The following NRG3 variants were observed in gnomAD, a reference collection of about 807,000 sequenced individuals.
The protein encoded by NRG3 is pro-neuregulin-3, membrane-bound isoform.
NRG3 carries 31 observed loss-of-function variants against 66.9 expected under a neutral mutation model. That is an observed-to-expected ratio of 0.46 (90% CI 0.35 to 0.63). The LOEUF is 0.63. Among genes scored for constraint, NRG3 ranks in the 20% least tolerant of loss-of-function variants. The pLI, the probability that NRG3 is intolerant of heterozygous loss-of-function variation, is 0.00. For synonymous variants in NRG3, 393 were observed against 359.4 expected (o/e 1.09, Z -1.06); for missense variants, 910 against 878.9 (o/e 1.04, Z -0.45).
At chr10:82,504,836 A>G (rs1228404464) in intron 2 of NRG3, among the ~76,000 whole-genome samples, 1 of 152,068 alleles carries the variant, frequency 6.6e-6, no homozygotes, top group African/African-American at 2.4e-5. Flanking sequence ...TGAATAAATG[A>G]TAATTCTACC....
chr10:82,648,654 C>T (rs2051157983), intron 2 of NRG3, among the ~76,000 whole-genome samples: 1 of 152,118 alleles, frequency 6.6e-6, no homozygotes, highest in Non-Finnish European at 1.5e-5. Context: ...AATGTTCTTC[C>T]ATTTGTTTGT....
chr10:82,724,332 T>G (rs574015269), intron 2 of NRG3, among the ~76,000 whole-genome samples: 8 of 152,266 alleles, frequency 5.3e-5, no homozygotes, highest in African/African-American at 1.9e-4. Flanking sequence ...TGCTGATGAA[T>G]GTCATACATA....
intron 1 of NRG3, among the ~76,000 whole-genome samples, chr10:81,903,284 A>G (rs1323348178): frequency 6.6e-6 from 1 of 152,126 alleles, no homozygotes; most frequent in Non-Finnish European, 1.5e-5. Context: ...GGTACACAGC[A>G]TGTAATTGTA....
chr10:82,116,436 T>G (rs1176999411), intron 1 of NRG3, among the ~76,000 whole-genome samples: 1 of 152,156 alleles, frequency 6.6e-6, no homozygotes, highest in Non-Finnish European at 1.5e-5. Context: ...GTATCAACAT[T>G]TAATTTAGAA....
At chr10:82,405,066 A>G (rs1324745594) in intron 2 of NRG3, among the ~76,000 whole-genome samples, 1 of 152,166 alleles carries the variant, frequency 6.6e-6, no homozygotes, top group African/African-American at 2.4e-5. Context: ...ATTTGGAACA[A>G]ATGAAGGAGT....
chr10:82,623,212 T>TTAAA (rs1367015557), intron 2 of NRG3, among the ~76,000 whole-genome samples: 6 of 152,192 alleles, frequency 3.9e-5, no homozygotes, highest in Non-Finnish European at 7.3e-5. Context: ...TTGGGACACT[T>TTAAA]CGTTTTAAAC....
intron 1 of NRG3, among the ~76,000 whole-genome samples, chr10:81,965,090 C>A (rs2059681310): frequency 6.6e-6 from 1 of 152,150 alleles, no homozygotes; most frequent in African/African-American, 2.4e-5. Flanking sequence ...GTAAAGAAAA[C>A]AGACAACCAG....
intron 2 of NRG3, among the ~76,000 whole-genome samples, chr10:82,406,572 G>C (rs2087537658): frequency 6.6e-6 from 1 of 152,256 alleles, no homozygotes; most frequent in South Asian, 2.1e-4. Flanking sequence ...TGCATTATGT[G>C]CTTGAAGCCC....
intron 2 of NRG3, among the ~76,000 whole-genome samples, chr10:82,369,734 T>C (rs564329863): frequency 1.4e-5 from 2 of 139,124 alleles, no homozygotes; most frequent in South Asian, 4.3e-4. Flanking sequence ...CTCAAATTCA[T>C]AGAAAAGCAA....
chr10:81,915,635 C>T (rs1845632423), intron 1 of NRG3, among the ~76,000 whole-genome samples: 1 of 152,034 alleles, frequency 6.6e-6, no homozygotes, highest in African/African-American at 2.4e-5. Flanking sequence ...GGGTTTATCA[C>T]TCCAGTAAAT....
At chr10:82,238,210 G>C (rs7899298) in intron 1 of NRG3, among the ~76,000 whole-genome samples, 42,132 of 151,830 alleles carry the variant, frequency 0.28, 8,173 homozygotes, top group East Asian at 0.55. Flanking sequence ...GTGTTGTTTT[G>C]CTATTTTAGA....
At chr10:81,957,669 A>G (rs774631117) in intron 1 of NRG3, among the ~76,000 whole-genome samples, 23 of 152,212 alleles carry the variant, frequency 1.5e-4, no homozygotes, top group Non-Finnish European at 3.1e-4. Flanking sequence ...GCTTCTGGAT[A>G]GGAGCAATTA....
intron 1 of NRG3, among the ~76,000 whole-genome samples, chr10:82,031,578 CA>C (rs1324900643): frequency 1.3e-5 from 2 of 152,080 alleles, no homozygotes; most frequent in African/African-American, 4.8e-5. Context: ...CTTTTTTTAA[CA>C]AAAGGAATTG....
At chr10:82,809,399 A>G (rs111285385) in intron 3 of NRG3, among the ~76,000 whole-genome samples, 1,790 of 151,984 alleles carry the variant, frequency 0.012, 35 homozygotes, top group African/African-American at 0.041. Flanking sequence ...AAAATGTGAA[A>G]AAAACAACAT....
chr10:81,989,009 G>C (rs2060634437), intron 1 of NRG3, among the ~76,000 whole-genome samples: 1 of 152,132 alleles, frequency 6.6e-6, no homozygotes, highest in Non-Finnish European at 1.5e-5. Flanking sequence ...TAGTGGAATG[G>C]ACTAGGGTGG....
At chr10:81,964,383 G>A in intron 1 of NRG3, among the ~76,000 whole-genome samples, 1 of 118,444 alleles carries the variant, frequency 8.4e-6, no homozygotes, top group Admixed American at 1.1e-4. Flanking sequence ...GCAACAGAGT[G>A]AGACTCTGTC....
chr10:82,091,728 A>G (rs1590074307), intron 1 of NRG3, among the ~76,000 whole-genome samples: 1 of 152,202 alleles, frequency 6.6e-6, no homozygotes, highest in Non-Finnish European at 1.5e-5. Context: ...TTTTTGAGGA[A>G]CTACCATGCT....
chr10:82,117,187 C>T (rs1220917872), intron 1 of NRG3, among the ~76,000 whole-genome samples: 2 of 152,148 alleles, frequency 1.3e-5, no homozygotes, highest in East Asian at 3.9e-4. Context: ...AATAGTTCCT[C>T]CCTACATTAC....
chr10:81,875,901 T>G lies in NRG3; in HGVS notation c.561T>G (p.Thr187=). Residue 187 remains threonine (T), a synonymous_variant, in exon 1 of 9, where the codon ACT becomes ACG. Coordinates refer to ENST00000372141, the MANE Select transcript of NRG3 (RefSeq NM_001010848.4). The surrounding 1 kb of genome is among the most constrained non-coding windows in gnomAD (Gnocchi z 5.3). ...CGCGCTCCACCACAGCACGGAACAC[T>G]GCGGCCCCTGCGACGGTCCCGTCCA... ...ASPRSTTARN[T]AAPATVPSTT... 6.2e-7 allele frequency: 1 copy of G among 1,612,598 alleles called. No individual in the cohort carries two copies. Among genetic ancestry groups the G allele is most frequent in the Non-Finnish European group, 8.5e-7 (1 of 1,179,956 alleles).
Sources: gnomAD v4.1 joint callset for allele counts (sites outside exome capture counted in the v4.1 genomes callset) on GRCh38, gnomAD v4.1.1 for gene constraint, Gnocchi (gnomAD v3.1) non-coding constraint, MANE v1.5 for transcripts, NCBI Gene and HGNC (gene_info 2026-07-23, HGNC 2026-07-21) for gene names.